OR4Q3: variants seen among roughly 807,000 people sequenced by gnomAD.
OR4Q3 encodes olfactory receptor 4Q3.
Under a neutral mutation model 18.8 loss-of-function variants are expected in OR4Q3, and 17 were observed. The ratio of observed to expected loss-of-function variants is 0.91; its 90% CI spans 0.62 to 1.36. The LOEUF (loss-of-function observed/expected upper bound fraction) is 1.36, where lower values mean the gene tolerates loss of function less well. OR4Q3 is among the 40% of genes most tolerant of loss of function. The pLI, the probability that OR4Q3 is intolerant of heterozygous loss-of-function variation, is 0.00. For missense variants in OR4Q3, 378 were observed against 373.4 expected (o/e 1.01, Z -0.10); for synonymous variants, 158 against 145.8 (o/e 1.08, Z -0.60).
chr14:19,750,327 C>T, downstream of OR4Q3, among the ~76,000 whole-genome samples: 9 of 152,292 alleles, frequency 5.9e-5, no homozygotes, highest in African/African-American at 2.2e-4. Context: ...AGCTTCAGAG[C>T]TGGAAAATCC....
intron 1 of OR4Q3, among the ~76,000 whole-genome samples, chr14:19,745,673 T>C: frequency 6.6e-6 from 1 of 152,236 alleles, no homozygotes; most frequent in Admixed American, 6.5e-5. Flanking sequence ...TTATACATTT[T>C]AGATAACTGA....
chr14:19,744,826 G>A, intron 1 of OR4Q3, among the ~76,000 whole-genome samples: 14,104 of 150,236 alleles, frequency 0.094, 553 homozygotes, highest in African/African-American at 0.21. Flanking sequence ...TTAGTTTTGG[G>A]GTGTAGACAT....
downstream of OR4Q3, among the ~76,000 whole-genome samples, chr14:19,751,931 G>A: frequency 6.6e-6 from 1 of 152,192 alleles, no homozygotes; most frequent in Non-Finnish European, 1.5e-5. Context: ...TAGCTCTGGA[G>A]TTGGTTTGTC....
chr14:19,749,923 TTCTC>T, downstream of OR4Q3, among the ~76,000 whole-genome samples: 88 of 149,632 alleles, frequency 5.9e-4, no homozygotes, highest in African/African-American at 2.0e-3. Context: ...CTTTCTTTCT[TTCTC>T]TCTCTCTTTC....
exon 2 of OR4Q3, chr14:19,748,125 G>C: frequency 6.2e-7 from 1 of 1,614,024 alleles, no homozygotes; most frequent in Non-Finnish European, 8.5e-7. Flanking sequence ...TTCTGCCAGG[G>C]CCAGAACAAG....
chr14:19,750,028 A>G, downstream of OR4Q3, among the ~76,000 whole-genome samples: 4 of 144,316 alleles, frequency 2.8e-5, no homozygotes, highest in South Asian at 2.1e-4. Flanking sequence ...CTTGTCTCCC[A>G]GGCTGGAGTG....
chr14:19,748,245 C>T lies in OR4Q3; in HGVS notation c.842C>T (p.Ser281Phe). The change falls in exon 2 of 2, where the codon TCC (serine) becomes TTC (phenylalanine). Residue 281 changes from serine to phenylalanine, a missense_variant. By Grantham distance (155) the Ser-to-Phe change is radical. Coordinates refer to ENST00000642117, the Ensembl canonical transcript of OR4Q3. The stretch of plus-strand genomic sequence containing the variant: ...AGCTTCTCTGTGGATAAGATATTCT[C>T]CTTGTTTTACACAGTGATTACACCT... 2.9e-5 allele frequency: 46 copies of T among 1,613,816 alleles called. No homozygotes were observed. The highest frequency in any genetic ancestry group is 6.6e-5 in the South Asian group (6 of 91,080).
At position 19,747,979 on chromosome 14, in the gene OR4Q3, A is replaced by T; in HGVS notation, c.576A>T (p.Gln192His). 777 of 1,614,048 alleles carry T rather than the reference A, an allele frequency of 4.8e-4. 2 individuals carry two copies. In the African/African-American group the frequency reaches 9.2e-3, roughly 19 times the overall value. Residue 192 changes from glutamine to histidine, a missense_variant, in exon 2 of 2, where the codon CAA (glutamine) becomes CAT (histidine). Coordinates refer to ENST00000642117, the Ensembl canonical transcript of OR4Q3. ...ACAACTTCTACTGTGATGTCCCACA[A>T]GTCATCAAGCTGGCCTGCATGGACA...
chr14:19,744,853 G>A lies in OR4Q3; in HGVS notation c.2+1182G>A. On this transcript the variant is annotated intron_variant, in intron 1 of 1. Coordinates refer to ENST00000642117, the Ensembl canonical transcript of OR4Q3. ...TGTAGACATTCCTTCATGTTGATGG[G>A]TGTATTGTTCTTTTCATTCTTCACG... Among the ~76,000 whole-genome samples, 3 of 152,210 alleles carry A rather than the reference G, an allele frequency of 2.0e-5. No individual in the cohort carries two copies. In the East Asian group the frequency reaches 5.8e-4, roughly 29 times the overall value.
downstream of OR4Q3, among the ~76,000 whole-genome samples, chr14:19,751,724 A>G: frequency 1.3e-5 from 2 of 151,986 alleles, no homozygotes; most frequent in African/African-American, 4.8e-5. Flanking sequence ...TTTCTGTGGG[A>G]TCAGTTGTAA....
At chr14:19,748,264 T>G in exon 2 of OR4Q3, 3 of 1,613,834 alleles carry the variant, frequency 1.9e-6, no homozygotes, top group Non-Finnish European at 2.5e-6. Flanking sequence ...ACACAGTGAT[T>G]ACACCTATGT....
downstream of OR4Q3, among the ~76,000 whole-genome samples, chr14:19,749,878 CTTTCTTTCTTTCTTTCTTTCTTTCTTTCT>C: frequency 0.11 from 4,536 of 42,628 alleles, 35 homozygotes; most frequent in South Asian, 0.27. Context: ...TTCTTTCTTT[CTTTCTTTCTTTCTTTCTTTCTTTCTTTCT>C]TTTTTCTTTC....
chr14:19,745,302 T>C, intron 1 of OR4Q3, among the ~76,000 whole-genome samples: 19,294 of 149,534 alleles, frequency 0.13, 566 homozygotes, highest in South Asian at 0.23. Flanking sequence ...TGGGTTAAAA[T>C]ATATTTTACA....
At chr14:19,750,686 T>C, downstream of OR4Q3, among the ~76,000 whole-genome samples, 45 of 152,330 alleles carry the variant, frequency 3.0e-4, no homozygotes, top group East Asian at 5.2e-3. Context: ...TTAATGACTT[T>C]ATATTTAAGA....
downstream of OR4Q3, among the ~76,000 whole-genome samples, chr14:19,750,099 C>T: frequency 1.3e-5 from 2 of 152,112 alleles, no homozygotes; most frequent in African/African-American, 2.4e-5. Flanking sequence ...ATCCTCTTGC[C>T]TCAGCCTCCC....
chr14:19,747,402 T>TTCTC lies in OR4Q3; in HGVS notation c.3-3_3-2insCTCT. 0.11 allele frequency: 150,700 copies of TTCTC among 1,375,702 alleles called. 4,379 individuals carry two copies. The highest frequency in any genetic ancestry group is 0.2 in the South Asian group (15,028 of 73,360). 85.2% of individuals were successfully genotyped at this position (1,375,702 alleles called of 1,614,324 possible). ...TCCCTTGTTCTGATTTAATTCTTCT[T>TTCTC]TAGGTCACTTGATATTCTTGGCTTG... On this transcript the variant is annotated splice_polypyrimidine_tract_variant and splice_region_variant and intron_variant, in intron 1 of 1. Coordinates refer to ENST00000642117, the Ensembl canonical transcript of OR4Q3.
chr14:19,751,772 C>CT, downstream of OR4Q3, among the ~76,000 whole-genome samples: 76,317 of 150,028 alleles, frequency 0.51, 17,074 homozygotes, highest in East Asian at 0.6. Context: ...TCATTTGGAT[C>CT]TTTTTTTTTA....
exon 2 of OR4Q3, chr14:19,747,454 G>T: frequency 6.2e-7 from 1 of 1,607,982 alleles, no homozygotes; most frequent in South Asian, 1.1e-5. Flanking sequence ...ATTCTAATGT[G>T]ACAGAATTTG....
chr14:19,747,689 C>A, exon 2 of OR4Q3: 1 of 1,614,040 alleles, frequency 6.2e-7, no homozygotes, highest in Non-Finnish European at 8.5e-7. Context: ...GGATTTCCTA[C>A]AGCAGGGCAA....
Sources: gnomAD v4.1 joint callset for allele counts (sites outside exome capture counted in the v4.1 genomes callset) on GRCh38, gnomAD v4.1.1 for gene constraint, MANE v1.5 for transcripts, NCBI Gene and HGNC (gene_info 2026-07-23, HGNC 2026-07-21) for gene names.